Variants in STEAP2 observed in about 807,000 individuals in gnomAD.
STEAP2 encodes STEAP2 metalloreductase, also known as metalloreductase STEAP2.
Under a neutral mutation model 46.4 loss-of-function variants are expected in STEAP2, and 30 were observed. The observed-to-expected ratio is 0.65, with a 90% confidence interval of 0.48 to 0.88. STEAP2 has a LOEUF of 0.88. Among genes scored for constraint, STEAP2 ranks in the 40% least tolerant of loss-of-function variants. The probability of loss-of-function intolerance (pLI) is 0.00; values close to 1 mark genes in which losing one functional copy is unlikely to be tolerated. For missense variants in STEAP2, 513 were observed against 579.3 expected (o/e 0.89, Z 1.18); for synonymous variants, 180 against 200.5 (o/e 0.90, Z 0.86).
intron 4 of STEAP2, among the ~76,000 whole-genome samples, 171 bp downstream of exon 4, chr7:90,227,669 A>G (rs1238513474): frequency 6.6e-6 from 1 of 152,210 alleles, no homozygotes; most frequent in Non-Finnish European, 1.5e-5. Flanking sequence ...TTAGGTGGCT[A>G]ATTCAAAATT....
intron 2 of STEAP2, among the ~76,000 whole-genome samples, chr7:90,217,440 T>C (rs1171316326): frequency 6.6e-6 from 1 of 152,146 alleles, no homozygotes; most frequent in Non-Finnish European, 1.5e-5. Flanking sequence ...GCCTCTGATA[T>C]CTCTCATGCT....
At position 90,233,744 on chromosome 7, in the gene STEAP2, C is replaced by T. The variant is rs924182255; in HGVS notation, c.*1120C>T. ...CCAGGTAGTCATATTCCAGAGGCCA[C>T]GGTTTTAACCACTAGGCTCTAGAGC... On this transcript the variant is annotated 3_prime_UTR_variant, in exon 6 of 6. Coordinates refer to ENST00000394621, the MANE Select transcript of STEAP2 (RefSeq NM_001244944.2). 1 of 984,888 alleles carries T rather than the reference C, an allele frequency of 1.0e-6. No homozygotes were observed. The highest frequency in any genetic ancestry group is 1.2e-6 in the Non-Finnish European group (1 of 829,478). 61.0% of individuals were successfully genotyped at this position (984,888 alleles called of 1,614,324 possible). A position where few individuals can be genotyped will look rare whatever the true frequency, so the allele number is the denominator to read the frequency against.
In STEAP2 at chr7:90,233,548, T is replaced by C. The variant is rs372854494; in HGVS notation, c.*924T>C. ...ACTGATGTTCTTTGAGGGATTCTGA[T>C]GTGCTAGGCATGGTTCTAAGTACTT... is the stretch of plus-strand genomic sequence containing the variant. On this transcript the variant is annotated 3_prime_UTR_variant, in exon 6 of 6. Coordinates refer to ENST00000394621, the MANE Select transcript of STEAP2 (RefSeq NM_001244944.2). The C allele has an allele frequency of 1.0e-6, 1 of 981,998 alleles. No individual in the cohort carries two copies. Among genetic ancestry groups the C allele is most frequent in the East Asian group, 1.1e-4 (1 of 8,798 alleles). The allele number at this position is 981,998 out of a possible 1,614,324, so 60.8% of individuals were successfully genotyped here.
intron 2 of STEAP2, among the ~76,000 whole-genome samples, chr7:90,219,152 A>C (rs573035301): frequency 6.6e-6 from 1 of 152,116 alleles, no homozygotes; most frequent in East Asian, 1.9e-4. Flanking sequence ...AACTTTATTG[A>C]ATTTATTTAT....
In STEAP2 at chr7:90,235,921, C is replaced by T. The variant is rs1011866140; in HGVS notation, c.*3297C>T. 1.0e-6 allele frequency: 1 copy of T among 981,166 alleles called. No individual in the cohort carries two copies. The highest frequency in any genetic ancestry group is 1.8e-5 in the African/African-American group (1 of 57,110). 60.8% of individuals were successfully genotyped at this position (981,166 alleles called of 1,614,324 possible). The stretch of plus-strand genomic sequence containing the variant: ...CTACATACAGGTTGGCTAATGAGCT[C>T]TAGTGTTAAACTACCTGATTAATTT... On this transcript the variant is annotated 3_prime_UTR_variant, in exon 6 of 6. Transcript: ENST00000394621.
Position 90,232,997 on chromosome 7 carries a change from T to G in STEAP2, c.*373T>G, listed in dbSNP as rs1300148082. On this transcript the variant is annotated 3_prime_UTR_variant, in exon 6 of 6. Transcript: ENST00000394621. ...TAAGCTTTTAAAATAATTCAATGGA[T>G]ATACATTTTTTTCTGAAGATTAAGA... The G allele has an allele frequency of 1.6e-5, 15 of 961,778 alleles. No homozygotes were observed. Among genetic ancestry groups the G allele is most frequent in the Non-Finnish European group, 1.7e-5 (14 of 808,056 alleles). 59.6% of individuals were successfully genotyped at this position (961,778 alleles called of 1,614,324 possible). A position where few individuals can be genotyped will look rare whatever the true frequency, so the allele number is the denominator to read the frequency against.
the STEAP2 span, among the ~76,000 whole-genome samples, chr7:90,243,252 G>C: frequency 3.9e-5 from 6 of 152,150 alleles, no homozygotes; most frequent in Non-Finnish European, 8.8e-5. Context: ...GAGGAGAGAA[G>C]CTCTGAGAAG....
rs1795896412 is a variant in STEAP2 at position 90,234,698 on chromosome 7, C to A, written c.*2074C>A. 1.1e-5 allele frequency: 5 copies of A among 449,104 alleles called. No individual in the cohort carries two copies. Among genetic ancestry groups the A allele is most frequent in the Non-Finnish European group, 1.5e-5 (5 of 340,206 alleles). 27.8% of individuals were successfully genotyped at this position (449,104 alleles called of 1,614,324 possible). ...CCCGAGTAGCTGGGACTACAGGTGCCCGCCACCATGCCCGGCTGATTTCTT... is the reference window on the plus strand; with the variant it reads ...CCCGAGTAGCTGGGACTACAGGTGCACGCCACCATGCCCGGCTGATTTCTT... On this transcript the variant is annotated 3_prime_UTR_variant, in exon 6 of 6. Transcript: ENST00000394621.
intron 5 of STEAP2, among the ~76,000 whole-genome samples, chr7:90,231,975 A>G (rs1795772222): frequency 1.3e-5 from 2 of 152,066 alleles, no homozygotes; most frequent in Non-Finnish European, 1.5e-5. Context: ...ACAAAAAGGA[A>G]TGGTTTAATA....
At position 90,234,208 on chromosome 7, in the gene STEAP2, C is replaced by G. The variant is rs1450900768; in HGVS notation, c.*1584C>G. ...GAGACATATAATCATACAGATTATT[C>G]ATAAAATTTTTCAGTGCTGTCCTTC... is the stretch of plus-strand genomic sequence containing the variant. On this transcript the variant is annotated 3_prime_UTR_variant, in exon 6 of 6. Transcript: ENST00000394621. 2.0e-6 allele frequency: 2 copies of G among 985,132 alleles called. No homozygotes were observed. Among genetic ancestry groups the G allele is most frequent in the Non-Finnish European group, 2.4e-6 (2 of 829,820 alleles). 61.0% of individuals were successfully genotyped at this position (985,132 alleles called of 1,614,324 possible).
intron 4 of STEAP2, among the ~76,000 whole-genome samples, chr7:90,229,256 A>G (rs1425318776): frequency 3.3e-5 from 5 of 152,166 alleles, no homozygotes; most frequent in Admixed American, 3.3e-4. Flanking sequence ...AAATGACACA[A>G]TTGGATAGTT....
intron 2 of STEAP2, among the ~76,000 whole-genome samples, chr7:90,219,306 C>T (rs1440525888): frequency 2.0e-5 from 3 of 152,058 alleles, no homozygotes; most frequent in Non-Finnish European, 4.4e-5. Context: ...CTGGCTAGGA[C>T]TTCCAATATG....
At chr7:90,241,398 G>A (rs1796059012), downstream of STEAP2, among the ~76,000 whole-genome samples, 1 of 151,988 alleles carries the variant, frequency 6.6e-6, no homozygotes, top group South Asian at 2.1e-4. Context: ...ACCTTACTTT[G>A]GATAACTTAC....
Position 90,233,932 on chromosome 7 carries a change from C to T in STEAP2, c.*1308C>T. 1 of 985,338 alleles carries T rather than the reference C, an allele frequency of 1.0e-6. No individual in the cohort carries two copies. The highest frequency in any genetic ancestry group is 1.2e-6 in the Non-Finnish European group (1 of 829,916). The allele number at this position is 985,338 out of a possible 1,614,324, so 61.0% of individuals were successfully genotyped here. On this transcript the variant is annotated 3_prime_UTR_variant, in exon 6 of 6. Transcript: ENST00000394621. ...CTGCTTGTAGGGTAATTCACAGTTA[C>T]TTACCCTATTCTTGCTTGGAACATG... is the stretch of plus-strand genomic sequence containing the variant.
Position 90,234,544 on chromosome 7 carries a change from C to T in STEAP2, c.*1920C>T, listed in dbSNP as rs1795885564. ...TTGGTGAATTTTATTATCTTGTACC[C>T]TCTTTTTTTTTTTTTTTTTTTTTAA... On this transcript the variant is annotated 3_prime_UTR_variant, in exon 6 of 6. Transcript: ENST00000394621. 1.1e-5 allele frequency: 10 copies of T among 913,612 alleles called. No homozygotes were observed. Among genetic ancestry groups the T allele is most frequent in the Non-Finnish European group, 1.3e-5 (10 of 779,504 alleles). 56.6% of individuals were successfully genotyped at this position (913,612 alleles called of 1,614,324 possible). A position where few individuals can be genotyped will look rare whatever the true frequency, so the allele number is the denominator to read the frequency against.
At chr7:90,220,828 T>C (rs1795226539) in intron 2 of STEAP2, among the ~76,000 whole-genome samples, 1 of 151,984 alleles carries the variant, frequency 6.6e-6, no homozygotes, top group Non-Finnish European at 1.5e-5. Context: ...GTTGTGTTTT[T>C]ATTTTTATTT....
At chr7:90,240,966 T>G (rs1796052256), downstream of STEAP2, among the ~76,000 whole-genome samples, 1 of 152,200 alleles carries the variant, frequency 6.6e-6, no homozygotes, top group South Asian at 2.1e-4. The surrounding 1 kb of genome is among the most constrained non-coding windows in gnomAD (Gnocchi z 4.1). Flanking sequence ...AAATAATGAT[T>G]AAAATTAAGT....
chr7:90,227,140 G>T lies in STEAP2; in HGVS notation c.662G>T (p.Ser221Ile). The stretch of plus-strand genomic sequence containing the variant: ...AGAGGGCCAGTGGTGGTAGCTATAA[G>T]CTTGGCCACATTTTTTTTCCTTTAT... ...LWRGPVVVAISLATFFFLYSF... is the reference protein window; with the variant it reads ...LWRGPVVVAIILATFFFLYSF... The change falls in exon 4 of 6, where the codon AGC becomes ATC. Residue 221 changes from serine (S) to isoleucine (I), a missense_variant. Ser to Ile is a moderately radical substitution (Grantham distance 142). Coordinates refer to ENST00000394621, the MANE Select transcript of STEAP2 (RefSeq NM_001244944.2). 3 of 1,613,734 alleles carry T rather than the reference G, an allele frequency of 1.9e-6. No individual in the cohort carries two copies. Among genetic ancestry groups the T allele is most frequent in the Non-Finnish European group, 1.7e-6 (2 of 1,179,848 alleles).
rs1055806432 is a variant in STEAP2 at position 90,235,544 on chromosome 7, G to A, written c.*2920G>A. The A allele has an allele frequency of 1.0e-6, 1 of 984,880 alleles. No individual in the cohort carries two copies. Among genetic ancestry groups the A allele is most frequent in the Non-Finnish European group, 1.2e-6 (1 of 829,810 alleles). 61.0% of individuals were successfully genotyped at this position (984,880 alleles called of 1,614,324 possible). A position where few individuals can be genotyped will look rare whatever the true frequency, so the allele number is the denominator to read the frequency against. On this transcript the variant is annotated 3_prime_UTR_variant, in exon 6 of 6. Coordinates refer to ENST00000394621, the MANE Select transcript of STEAP2 (RefSeq NM_001244944.2). Reference sequence around the variant, plus strand: ...TTAGAGCAGTGGAGATTTGCTACCTGGTCTGTGTTTTGAGAAGTGCCCCTT... The same window carrying A: ...TTAGAGCAGTGGAGATTTGCTACCTAGTCTGTGTTTTGAGAAGTGCCCCTT...
Sources: gnomAD v4.1 joint callset for allele counts (sites outside exome capture counted in the v4.1 genomes callset) on GRCh38, gnomAD v4.1.1 for gene constraint, Gnocchi (gnomAD v3.1) non-coding constraint, MANE v1.5 for transcripts, NCBI Gene and HGNC (gene_info 2026-07-23, HGNC 2026-07-21) for gene names.